Variants in RAPGEF5 observed in about 807,000 individuals in gnomAD.
The protein encoded by RAPGEF5 is M-Ras-regulated GEF.
RAPGEF5 carries 65 observed loss-of-function variants against 125.2 expected under a neutral mutation model. The observed-to-expected ratio is 0.52, with a 90% CI of 0.43 to 0.64. The LOEUF is 0.64. Among genes scored for constraint, RAPGEF5 ranks in the 30% least tolerant of loss-of-function variants. RAPGEF5 has a pLI of 0.00. For missense variants in RAPGEF5, 958 were observed against 1,048.1 expected, an observed-to-expected ratio of 0.91 and a Z score of 1.19; for synonymous variants, 391 against 385.9, an observed-to-expected ratio of 1.01 and a Z score of -0.16.
chr7:22,262,965 AAAAC>A lies in RAPGEF5; in HGVS notation c.796+3995_796+3998del, dbSNP rs1050693848. 5.3e-5 allele frequency among the ~76,000 whole-genome samples: 8 copies of A among 152,300 alleles called. No individual in the cohort carries two copies. The East Asian group carries it at 9.6e-4, about 18-fold the overall frequency. Reference sequence around the variant, plus strand: ...GGGTGACAGAGTGAGACCCTGTCTCAAAACAAACAAACAAACAAAAACAAGGAAA... The same window carrying A: ...GGGTGACAGAGTGAGACCCTGTCTCAAAACAAACAAACAAAAACAAGGAAA... On this transcript the variant is annotated intron_variant, in intron 7 of 25. Coordinates refer to ENST00000665637, the MANE Select transcript of RAPGEF5 (RefSeq NM_012294.5).
chr7:22,165,849 T>C (rs1784144175), intron 12 of RAPGEF5, among the ~76,000 whole-genome samples: 1 of 151,830 alleles, frequency 6.6e-6, no homozygotes, highest in East Asian at 1.9e-4. Flanking sequence ...GCAGTCTCCC[T>C]CTGTCATCTA....
At chr7:22,255,638 A>C (rs1786740586) in intron 7 of RAPGEF5, among the ~76,000 whole-genome samples, 1 of 152,166 alleles carries the variant, frequency 6.6e-6, no homozygotes, top group African/African-American at 2.4e-5. Context: ...AAACCATTTT[A>C]TACACTTTGA....
chr7:22,133,772 A>G (rs2128100794), intron 23 of RAPGEF5, among the ~76,000 whole-genome samples: 1 of 152,314 alleles, frequency 6.6e-6, no homozygotes, highest in East Asian at 1.9e-4. Flanking sequence ...TCTTCTCCCC[A>G]GCACTTAGTG....
chr7:22,294,737 C>G (rs1265559054), intron 5 of RAPGEF5, among the ~76,000 whole-genome samples: 1 of 152,176 alleles, frequency 6.6e-6, no homozygotes. Flanking sequence ...GACCACGTCT[C>G]ACCACCTCCA....
At chr7:22,240,999 T>A (rs568584387) in intron 7 of RAPGEF5, among the ~76,000 whole-genome samples, 2 of 152,310 alleles carry the variant, frequency 1.3e-5, no homozygotes, top group South Asian at 2.1e-4. Context: ...AGCTCCATTG[T>A]CCAGAATAAG....
At chr7:22,231,595 G>A (rs1786059323) in intron 7 of RAPGEF5, among the ~76,000 whole-genome samples, 1 of 152,174 alleles carries the variant, frequency 6.6e-6, no homozygotes. Context: ...CATGGCATCT[G>A]AACTTCTCCT....
chr7:22,174,563 G>T (rs1468096371), intron 11 of RAPGEF5, among the ~76,000 whole-genome samples: 1 of 152,192 alleles, frequency 6.6e-6, no homozygotes, highest in Non-Finnish European at 1.5e-5. Context: ...ATGCAAGTTG[G>T]TAAGTCTTGG....
At chr7:22,127,019 T>C (rs1782768659) in intron 24 of RAPGEF5, among the ~76,000 whole-genome samples, 1 of 148,612 alleles carries the variant, frequency 6.7e-6, no homozygotes, top group African/African-American at 2.5e-5. Flanking sequence ...AAGTCCTCAC[T>C]GATTCCCAGG....
At chr7:22,342,061 T>G (rs776522914) in intron 1 of RAPGEF5, among the ~76,000 whole-genome samples, 1 of 152,342 alleles carries the variant, frequency 6.6e-6, no homozygotes, top group East Asian at 1.9e-4. Context: ...AGGGCCCTGC[T>G]CCTGCAGCAA....
intron 1 of RAPGEF5, among the ~76,000 whole-genome samples, chr7:22,321,845 T>A (rs2528923): frequency 0.025 from 3,847 of 152,320 alleles, 169 homozygotes; most frequent in African/African-American, 0.087. Context: ...ATAAAGGCTA[T>A]GATCTATTAA....
chr7:22,335,702 A>G (rs1199735448), intron 1 of RAPGEF5, among the ~76,000 whole-genome samples: 1 of 102,476 alleles, frequency 9.8e-6, no homozygotes, highest in Non-Finnish European at 2.2e-5. Flanking sequence ...AAAAAAAAAA[A>G]AACAACAAAA....
intron 1 of RAPGEF5, among the ~76,000 whole-genome samples, chr7:22,334,789 G>A (rs1397568325): frequency 2.0e-5 from 3 of 152,214 alleles, no homozygotes; most frequent in African/African-American, 7.2e-5. Context: ...TTCAGTGGGT[G>A]AGGGTCAGGG....
At chr7:22,236,440 T>C (rs986668473) in intron 7 of RAPGEF5, among the ~76,000 whole-genome samples, 1 of 151,928 alleles carries the variant, frequency 6.6e-6, no homozygotes. Context: ...CAAGAAAGAG[T>C]AATTGATTTA....
At chr7:22,123,799 C>G (rs1233715547) in intron 25 of RAPGEF5, among the ~76,000 whole-genome samples, 1 of 152,162 alleles carries the variant, frequency 6.6e-6, no homozygotes, top group Non-Finnish European at 1.5e-5. Context: ...GTTTGGATAA[C>G]ACGATGCTAC....
At chr7:22,324,823 C>T (rs1783781745) in intron 1 of RAPGEF5, among the ~76,000 whole-genome samples, 1 of 152,192 alleles carries the variant, frequency 6.6e-6, no homozygotes, top group Admixed American at 6.5e-5. Flanking sequence ...CACCTCCCTA[C>T]ATGTCACCTT....
intron 8 of RAPGEF5, among the ~76,000 whole-genome samples, 155 bp downstream of exon 8, chr7:22,230,691 T>TA (rs2128134493): frequency 6.6e-6 from 1 of 152,324 alleles, no homozygotes; most frequent in Admixed American, 6.5e-5. Context: ...TTGTGTGAAA[T>TA]ACCTTTATAT....
intron 1 of RAPGEF5, among the ~76,000 whole-genome samples, chr7:22,327,975 A>C (rs1009232590): frequency 6.6e-6 from 1 of 152,226 alleles, no homozygotes. Context: ...GTGCTTGGTG[A>C]ATGTTACCTA....
chr7:22,170,947 A>C (rs188824734), intron 11 of RAPGEF5, among the ~76,000 whole-genome samples: 2 of 152,212 alleles, frequency 1.3e-5, no homozygotes, highest in East Asian at 1.9e-4. Context: ...TAACTCAAAT[A>C]TCTCTCTATT....
intron 1 of RAPGEF5, among the ~76,000 whole-genome samples, chr7:22,340,979 T>C (rs965982088): frequency 6.6e-6 from 1 of 152,216 alleles, no homozygotes; most frequent in African/African-American, 2.4e-5. Flanking sequence ...CGAGGTGACT[T>C]ATCATTATGG....
Sources: allele counts gnomAD v4.1 joint callset (sites outside exome capture counted in the v4.1 genomes callset), GRCh38; gene constraint gnomAD v4.1.1; transcripts MANE v1.5; gene names NCBI Gene and HGNC (gene_info 2026-07-23, HGNC 2026-07-21).